The following TRIO variants were observed in gnomAD, a reference collection of about 807,000 sequenced individuals.
TRIO encodes trio Rho guanine nucleotide exchange factor, also known as triple functional domain protein.
A neutral mutation model predicts 351.9 loss-of-function variants in TRIO; 58 were observed. The observed-to-expected ratio is 0.16, with a 90% confidence interval of 0.13 to 0.21. The LOEUF is 0.21. Ranked by LOEUF, TRIO falls within the 10% of genes least tolerant of loss-of-function variation. TRIO has a pLI of 1.00. For missense variants in TRIO, 3,201 were observed against 4,027.8 expected, an observed-to-expected ratio of 0.79 and a Z score of 5.56; for synonymous variants, 1,758 against 1,595.7, an observed-to-expected ratio of 1.10 and a Z score of -2.42.
At chr5:14,403,478 A>G (rs1212978722) in intron 31 of TRIO, among the ~76,000 whole-genome samples, 5 of 45,532 alleles carry the variant, frequency 1.1e-4, no homozygotes, top group African/African-American at 2.0e-4. Context: ...GGTTGTGGTG[A>G]GGGTGCAGGT....
chr5:14,261,171 G>T (rs1795319538), intron 1 of TRIO, among the ~76,000 whole-genome samples: 1 of 152,236 alleles, frequency 6.6e-6, no homozygotes, highest in South Asian at 2.1e-4. Flanking sequence ...TCGTGGTTCA[G>T]TGCTGGGAAT....
intron 11 of TRIO, among the ~76,000 whole-genome samples, chr5:14,350,952 G>C (rs889091177): frequency 1.3e-5 from 2 of 152,156 alleles, no homozygotes; most frequent in Admixed American, 1.3e-4. Context: ...CGTAAGGAGT[G>C]CACAACCTGG....
chr5:14,419,555 C>T (rs887441094), intron 33 of TRIO, among the ~76,000 whole-genome samples: 18 of 152,080 alleles, frequency 1.2e-4, no homozygotes, highest in African/African-American at 4.1e-4. Flanking sequence ...TATAATACCA[C>T]TTTGTGAGGA....
At chr5:14,502,443 C>T (rs930688656) in intron 53 of TRIO, 136 bp from the exon 54 acceptor site, 4 of 703,088 alleles carry the variant, frequency 5.7e-6, no homozygotes, top group African/African-American at 1.8e-5. Context: ...GCCACCACAT[C>T]TCCACTCGCA....
At chr5:14,188,575 A>C (rs26291) in intron 1 of TRIO, among the ~76,000 whole-genome samples, 93,504 of 152,074 alleles carry the variant, frequency 0.61, 31,648 homozygotes, top group East Asian at 0.96. Flanking sequence ...AAAGTTATGC[A>C]AAGTGTTTCT....
At chr5:14,322,065 C>G (rs1483302570) in intron 9 of TRIO, among the ~76,000 whole-genome samples, 1 of 152,098 alleles carries the variant, frequency 6.6e-6, no homozygotes. Context: ...CCCTGCAAGT[C>G]ATGGGTGAGT....
chr5:14,230,337 T>C (rs1793325602), intron 1 of TRIO, among the ~76,000 whole-genome samples: 1 of 117,796 alleles, frequency 8.5e-6, no homozygotes, highest in Non-Finnish European at 1.9e-5. Context: ...TCAGGCAAGA[T>C]GTTTGTGTGT....
chr5:14,479,425 T>C, intron 42 of TRIO, 75 bp downstream of exon 42: 1 of 1,371,460 alleles, frequency 7.3e-7, no homozygotes, highest in Non-Finnish European at 1.0e-6. Flanking sequence ...GAAAGTATCA[T>C]TGGTTTCCCA....
intron 47 of TRIO, 54 bp downstream of exon 47, chr5:14,485,300 G>A (rs1208857759): frequency 6.7e-7 from 1 of 1,489,046 alleles, no homozygotes; most frequent in East Asian, 2.3e-5. Flanking sequence ...GTACTCACTT[G>A]TATTTATCTT....
intron 21 of TRIO, among the ~76,000 whole-genome samples, chr5:14,381,792 A>T (rs535077526): frequency 3.3e-5 from 5 of 152,332 alleles, no homozygotes; most frequent in African/African-American, 4.8e-5. Context: ...CTAAAACTTG[A>T]GGCATTTTCA....
At chr5:14,417,726 A>C (rs1009438594) in intron 33 of TRIO, among the ~76,000 whole-genome samples, 23 of 152,392 alleles carry the variant, frequency 1.5e-4, no homozygotes, top group Middle Eastern at 6.8e-3. Flanking sequence ...CTGCAGGCTA[A>C]GCACAGGCAG....
chr5:14,288,341 C>T (rs1388539968), intron 4 of TRIO, among the ~76,000 whole-genome samples: 6 of 152,178 alleles, frequency 3.9e-5, no homozygotes, highest in Non-Finnish European at 8.8e-5. Flanking sequence ...GCCTCTCTCT[C>T]CCCACCCAGT....
At position 14,507,234 on chromosome 5, in the gene TRIO, T is replaced by C. The variant is rs770794689; in HGVS notation, c.8725T>C (p.Cys2909Arg). 2 of 1,611,672 alleles carry C rather than the reference T, an allele frequency of 1.2e-6. No homozygotes were observed. Among genetic ancestry groups the C allele is most frequent in the African/African-American group, 2.7e-5 (2 of 74,832 alleles). ...GGAAGCTGTCCGGTACCTGCACAAC[T>C]GCAGGATAGCACACCTGGACCTAAA... ...VLEAVRYLHN[C>R]RIAHLDLKPE... Residue 2909 changes from cysteine (C) to arginine (R), a missense_variant, in exon 56 of 57, where the codon TGC (cysteine) becomes CGC (arginine). By Grantham distance (180) the Cys-to-Arg change is radical (BLOSUM62 -3). Coordinates refer to ENST00000344204, the MANE Select transcript of TRIO (RefSeq NM_007118.4).
rs1406853169 is a variant in TRIO, at chr5:14,287,073, C to G, written c.540+10C>G. 1.9e-6 allele frequency: 3 copies of G among 1,613,106 alleles called. No individual in the cohort carries two copies. The highest frequency in any genetic ancestry group is 2.7e-5 in the African/African-American group (2 of 74,880). ...TAAATTTGAATTTGAGGTAACTTCC[C>G]CCGTGTGGCTAGACCCACTAAACAA... On this transcript the variant is annotated intron_variant, in intron 4 of 56. Coordinates refer to ENST00000344204, the MANE Select transcript of TRIO (RefSeq NM_007118.4).
intron 1 of TRIO, among the ~76,000 whole-genome samples, chr5:14,144,660 C>T (rs973875833): frequency 6.6e-6 from 1 of 151,996 alleles, no homozygotes; most frequent in African/African-American, 2.4e-5. Flanking sequence ...CAGGTGGCCC[C>T]GAGTCCACCC....
chr5:14,417,790 A>G (rs1749766328), intron 33 of TRIO, among the ~76,000 whole-genome samples: 1 of 152,246 alleles, frequency 6.6e-6, no homozygotes, highest in Non-Finnish European at 1.5e-5. Flanking sequence ...GGGTTTTCAA[A>G]TGCATTGCCT....
chr5:14,456,417 C>T (rs1753313530), intron 34 of TRIO, among the ~76,000 whole-genome samples: 1 of 152,226 alleles, frequency 6.6e-6, no homozygotes, highest in Admixed American at 6.5e-5. Context: ...ATGTTGTCAC[C>T]TCTCAATGTG....
At chr5:14,417,086 G>A (rs746721864) in intron 33 of TRIO, among the ~76,000 whole-genome samples, 4 of 152,226 alleles carry the variant, frequency 2.6e-5, no homozygotes, top group Admixed American at 6.5e-5. Context: ...TCTAAGTCAC[G>A]GGACTAACCA....
intron 11 of TRIO, among the ~76,000 whole-genome samples, chr5:14,343,173 A>G (rs961843549): frequency 4.6e-5 from 7 of 151,828 alleles, no homozygotes; most frequent in African/African-American, 1.7e-4. Flanking sequence ...AGCATCTTGC[A>G]TAACCTCAGC....
Sources: gnomAD v4.1 joint callset for allele counts (sites outside exome capture counted in the v4.1 genomes callset) on GRCh38, gnomAD v4.1.1 for gene constraint, MANE v1.5 for transcripts, NCBI Gene and HGNC (gene_info 2026-07-23, HGNC 2026-07-21) for gene names.